DRAXIN: variants seen among roughly 807,000 people sequenced by gnomAD.
The protein encoded by DRAXIN is dorsal repulsive axon guidance protein.
A neutral mutation model predicts 33.9 loss-of-function variants in DRAXIN; 27 were observed. The ratio of observed to expected loss-of-function variants is 0.80; its 90% CI spans 0.59 to 1.10. The LOEUF (loss-of-function observed/expected upper bound fraction) is 1.10, where lower values mean the gene tolerates loss of function less well. Among genes scored for constraint, DRAXIN ranks in the 50% least tolerant of loss-of-function variants. DRAXIN has a pLI of 0.00. For synonymous variants in DRAXIN, 178 were observed against 194.0 expected (o/e 0.92, Z 0.69); for missense variants, 371 against 460.8 (o/e 0.81, Z 1.78).
rs754817675 is a variant in DRAXIN at position 11,712,015 on chromosome 1, C to T, written c.757+50C>T. ...TCCATGCCTGGGTGCCCTGCCCTCC[C>T]GCACCATCTGTTGAGGTGGGGGCCC... is the stretch of plus-strand genomic sequence containing the variant. On this transcript the variant is annotated intron_variant, in intron 4 of 6. Coordinates refer to ENST00000294485, the MANE Select transcript of DRAXIN (RefSeq NM_198545.4). The T allele has an allele frequency of 1.9e-5, 30 of 1,553,466 alleles. No homozygotes were observed. In the South Asian group the frequency reaches 2.3e-4, roughly 12 times the overall value.
At chr1:11,714,979 C>A in intron 5 of DRAXIN, 140 bp from the exon 6 acceptor site, 1 of 926,626 alleles carries the variant, frequency 1.1e-6, no homozygotes, top group South Asian at 1.5e-5. Context: ...ACTCAGGAGC[C>A]TTGCACACCA....
rs367635608 is a variant in DRAXIN at position 11,719,548 on chromosome 1, TCG to T, written c.938-32_938-31del. ...GAAGGAAGGGGAGGGCACGGGCCCT[TCG>T]CGCCTCTGACCCCCCTTGCCTCCAC... On this transcript the variant is annotated intron_variant, in intron 6 of 6. Coordinates refer to ENST00000294485, the MANE Select transcript of DRAXIN (RefSeq NM_198545.4). The T allele has an allele frequency of 6.8e-5, 107 of 1,564,018 alleles. 2 individuals carry two copies. The East Asian group carries it at 1.5e-3, about 23-fold the overall frequency.
intron 1 of DRAXIN, among the ~76,000 whole-genome samples, chr1:11,697,733 C>A (rs1027899875): frequency 1.3e-5 from 2 of 152,136 alleles, no homozygotes; most frequent in African/African-American, 4.8e-5. Flanking sequence ...CTCTCCCCTG[C>A]GATCTCCATC....
At position 11,692,491 on chromosome 1, in the gene DRAXIN, G is replaced by C. The variant is rs1024528031; in HGVS notation, c.-11+638G>C. Among the ~76,000 whole-genome samples the C allele has an allele frequency of 1.3e-5, 2 of 152,204 alleles. No individual in the cohort carries two copies. Among genetic ancestry groups the C allele is most frequent in the Admixed American group, 1.3e-4 (2 of 15,288 alleles). ...TCAGCCTGGCTCCCCCGACGGCGCT[G>C]GTCTTTCGCCTGTGGTCTCCCGCTC... On this transcript the variant is annotated intron_variant, in intron 1 of 6. Coordinates refer to ENST00000294485, the MANE Select transcript of DRAXIN (RefSeq NM_198545.4). This position sits in a 1 kb window ranked among gnomAD's most constrained non-coding sequence, Gnocchi z 5.8.
intron 6 of DRAXIN, among the ~76,000 whole-genome samples, chr1:11,715,753 C>G (rs1641567514): frequency 6.6e-6 from 1 of 152,106 alleles, no homozygotes; most frequent in Non-Finnish European, 1.5e-5. Flanking sequence ...ACTGAAATCC[C>G]CATGACCACC....
At position 11,696,931 on chromosome 1, in the gene DRAXIN, G is replaced by A. The variant is rs1641201896; in HGVS notation, c.-11+5078G>A. Among the ~76,000 whole-genome samples the A allele has an allele frequency of 6.6e-6, 1 of 151,690 alleles. No homozygotes were observed. Among genetic ancestry groups the A allele is most frequent in the Admixed American group, 6.6e-5 (1 of 15,234 alleles). On this transcript the variant is annotated intron_variant, in intron 1 of 6. Coordinates refer to ENST00000294485, the MANE Select transcript of DRAXIN (RefSeq NM_198545.4). This position sits in a 1 kb window ranked among gnomAD's most constrained non-coding sequence, Gnocchi z 4.7. ...CATGCCTGTAATCCCAGCTGCTTGG[G>A]AGGCTAAGGCAGAAGAATCACTTGA...
At chr1:11,708,373 A>G (rs1288759719) in intron 2 of DRAXIN, among the ~76,000 whole-genome samples, 1 of 152,210 alleles carries the variant, frequency 6.6e-6, no homozygotes, top group Non-Finnish European at 1.5e-5. Context: ...GCACTTTGGG[A>G]GGCTGGGCAG....
At chr1:11,713,377 T>C (rs1380804126) in intron 5 of DRAXIN, among the ~76,000 whole-genome samples, 2 of 152,166 alleles carry the variant, frequency 1.3e-5, no homozygotes, top group African/African-American at 4.8e-5. Context: ...TCTCTTGCCC[T>C]CTTCCTCCTG....
In DRAXIN at chr1:11,719,577, C is replaced by A; in HGVS notation, c.938-7C>A. 6.2e-7 allele frequency: 1 copy of A among 1,606,902 alleles called. No individual in the cohort carries two copies. The highest frequency in any genetic ancestry group is 8.5e-7 in the Non-Finnish European group (1 of 1,176,166). On this transcript the variant is annotated splice_polypyrimidine_tract_variant and splice_region_variant and intron_variant, in intron 6 of 6. Coordinates refer to ENST00000294485, the MANE Select transcript of DRAXIN (RefSeq NM_198545.4). ...GCCTCTGACCCCCCTTGCCTCCACTCGCCCAGGGCTGCGCTGCTATGCCAA... is the reference window on the plus strand; with the variant it reads ...GCCTCTGACCCCCCTTGCCTCCACTAGCCCAGGGCTGCGCTGCTATGCCAA...
intron 1 of DRAXIN, among the ~76,000 whole-genome samples, chr1:11,699,988 C>T (rs1641247531): frequency 6.6e-6 from 1 of 150,710 alleles, no homozygotes; most frequent in Non-Finnish European, 1.5e-5. Context: ...CCTGTAATCC[C>T]AGCACTTTGG....
At chr1:11,691,982 G>T (rs1296524297) in intron 1 of DRAXIN, 129 bp downstream of exon 1, 1 of 151,960 alleles carries the variant, frequency 6.6e-6, no homozygotes, top group Non-Finnish European at 1.5e-5. Flanking sequence ...TGGAAGTGAG[G>T]ATGCTGCCTC....
At chr1:11,715,435 T>C (rs1052568042) in intron 6 of DRAXIN, among the ~76,000 whole-genome samples, 1 of 152,236 alleles carries the variant, frequency 6.6e-6, no homozygotes, top group African/African-American at 2.4e-5. Flanking sequence ...TAGTCCTGAT[T>C]CTTGGCATCA....
At chr1:11,709,003 C>CT (rs535004850) in intron 2 of DRAXIN, among the ~76,000 whole-genome samples, 23 of 152,370 alleles carry the variant, frequency 1.5e-4, no homozygotes, top group Middle Eastern at 3.4e-3. Flanking sequence ...CCCAGCCAAT[C>CT]TGGACTTGGA....
chr1:11,704,721 C>T lies in DRAXIN; in HGVS notation c.-10-1528C>T, dbSNP rs1641352840. 6.6e-6 allele frequency among the ~76,000 whole-genome samples: 1 copy of T among 152,186 alleles called. No individual in the cohort carries two copies. The highest frequency in any genetic ancestry group is 6.5e-5 in the Admixed American group (1 of 15,282). ...GTCCCACGCACGTCACCAAGGCTCA[C>T]CTAGTATCTTCAGCCAGATCCCCGG... is the stretch of plus-strand genomic sequence containing the variant. On this transcript the variant is annotated intron_variant, in intron 1 of 6. Coordinates refer to ENST00000294485, the MANE Select transcript of DRAXIN (RefSeq NM_198545.4). The surrounding 1 kb of genome is among the most constrained non-coding windows in gnomAD (Gnocchi z 4.6).
At chr1:11,716,658 T>G (rs1489526580) in intron 6 of DRAXIN, among the ~76,000 whole-genome samples, 1 of 152,266 alleles carries the variant, frequency 6.6e-6, no homozygotes, top group African/African-American at 2.4e-5. Flanking sequence ...TTTTTAAAAT[T>G]GTGGACTTTT....
At chr1:11,710,580 A>G (rs115577818) in intron 3 of DRAXIN, among the ~76,000 whole-genome samples, 3,691 of 152,134 alleles carry the variant, frequency 0.024, 137 homozygotes, top group African/African-American at 0.083. Flanking sequence ...AGGGGTATAT[A>G]GGAGCTGACC....
chr1:11,702,707 C>A (rs1201783445), intron 1 of DRAXIN, among the ~76,000 whole-genome samples: 1 of 151,868 alleles, frequency 6.6e-6, no homozygotes, highest in East Asian at 1.9e-4. Context: ...ACTCACACAT[C>A]CTGGGGATTT....
intron 1 of DRAXIN, among the ~76,000 whole-genome samples, chr1:11,702,713 GATTT>G (rs1376707337): frequency 1.3e-5 from 2 of 150,996 alleles, no homozygotes; most frequent in South Asian, 4.2e-4. Flanking sequence ...ACATCCTGGG[GATTT>G]ATTTATGATC....
intron 1 of DRAXIN, among the ~76,000 whole-genome samples, chr1:11,701,154 G>A (rs1641267813): frequency 6.6e-6 from 1 of 152,164 alleles, no homozygotes; most frequent in South Asian, 2.1e-4. Flanking sequence ...GCTGCTGGTG[G>A]CTCCTGGGCC....
Sources: allele counts gnomAD v4.1 joint callset (sites outside exome capture counted in the v4.1 genomes callset), GRCh38; gene constraint gnomAD v4.1.1; non-coding constraint Gnocchi (gnomAD v3.1); transcripts MANE v1.5; gene names NCBI Gene and HGNC (gene_info 2026-07-23, HGNC 2026-07-21).